Variants in EIF5B observed in about 807,000 individuals in gnomAD.
EIF5B encodes the protein eukaryotic translation initiation factor 5B.
EIF5B carries 47 observed loss-of-function variants against 147.5 expected under a neutral mutation model. The observed-to-expected ratio is 0.32, with a 90% CI of 0.25 to 0.41. The LOEUF is 0.41. EIF5B is among the 10% of genes least tolerant of loss of function. EIF5B has a pLI of 1.00. For synonymous variants in EIF5B, 455 were observed against 456.2 expected (o/e 1.00, Z 0.03); for missense variants, 1,064 against 1,413.2 (o/e 0.75, Z 3.96).
chr2:99,383,924 A>G (rs1284579208), intron 14 of EIF5B, among the ~76,000 whole-genome samples: 1 of 152,202 alleles, frequency 6.6e-6, no homozygotes, highest in African/African-American at 2.4e-5. Context: ...CTCATTGACC[A>G]TTCTGAAAAT....
At chr2:99,383,081 GTT>G (rs577750889) in intron 14 of EIF5B, among the ~76,000 whole-genome samples, 160 bp downstream of exon 14, 1 of 145,980 alleles carries the variant, frequency 6.9e-6, no homozygotes, top group South Asian at 2.1e-4. Context: ...TTTGTGTATA[GTT>G]TTTTTTTTTT....
In EIF5B at chr2:99,361,325, G is replaced by C. The variant is rs1674208268; in HGVS notation, c.424G>C (p.Asp142His). The change falls in exon 4 of 24, where the codon GAT becomes CAT. Residue 142 changes from aspartate (D) to histidine (H), a missense_variant. Asp to His is a moderately conservative substitution (Grantham distance 81). Coordinates refer to ENST00000289371, the MANE Select transcript of EIF5B (RefSeq NM_015904.4). Reference protein sequence around the residue: ...EMYSGSDDDDDFNKLPKKAKG... With the variant: ...EMYSGSDDDDHFNKLPKKAKG... The stretch of plus-strand genomic sequence containing the variant: ...GTACTCTGGGAGTGATGATGATGAT[G>C]ATTTTAACAAACTTCCTAAAAAAGC... 3 of 1,609,642 alleles carry C rather than the reference G, an allele frequency of 1.9e-6. No individual in the cohort carries two copies. Among genetic ancestry groups the C allele is most frequent in the Non-Finnish European group, 2.5e-6 (3 of 1,178,944 alleles).
Position 99,360,255 on chromosome 2 carries a change from C to G in EIF5B, c.55C>G (p.Leu19Val). The G allele has an allele frequency of 2.5e-6, 4 of 1,603,848 alleles. No homozygotes were observed. Among genetic ancestry groups the G allele is most frequent in the Non-Finnish European group, 3.4e-6 (4 of 1,177,166 alleles). Residue 19 changes from leucine to valine, a missense_variant, in exon 2 of 24, where the codon CTT (leucine) becomes GTT (valine). By Grantham distance (32) the Leu-to-Val change is conservative. Coordinates refer to ENST00000289371, the MANE Select transcript of EIF5B (RefSeq NM_015904.4). ...SEDSTKDDID[L>V]DALAAEIEGA... ...TTTAAGCACCAAGGATGACATTGATCTTGATGCCTTGGCTGCAGAAATAGA... is the reference window on the plus strand; with the variant it reads ...TTTAAGCACCAAGGATGACATTGATGTTGATGCCTTGGCTGCAGAAATAGA...
At chr2:99,371,788 T>G in intron 9 of EIF5B, 58 bp downstream of exon 9, 4 of 1,430,392 alleles carry the variant, frequency 2.8e-6, no homozygotes, top group Non-Finnish European at 2.9e-6. Context: ...ATGAATGATA[T>G]ATATTTAAAT....
Position 99,371,653 on chromosome 2 carries a change from CAGAAGA to C in EIF5B, c.1485_1490del (p.Glu495_Glu496del). 2 of 1,608,182 alleles carry C rather than the reference CAGAAGA, an allele frequency of 1.2e-6. No individual in the cohort carries two copies. Among genetic ancestry groups the C allele is most frequent in the Non-Finnish European group, 8.5e-7 (1 of 1,177,898 alleles). Reference sequence around the variant, plus strand: ...TGTCTTAAATGCAAATTTTTACTTACAGAAGAAGAAGAAGATACTGAGGATGCTGGA... The same window carrying C: ...TGTCTTAAATGCAAATTTTTACTTACAGAAGAAGATACTGAGGATGCTGGA... On this transcript the variant is annotated splice_acceptor_variant and coding_sequence_variant, in exon 9 of 24. Coordinates refer to ENST00000289371, the MANE Select transcript of EIF5B (RefSeq NM_015904.4). LOFTEE classifies it high-confidence loss of function.
chr2:99,389,822 G>A lies in EIF5B; in HGVS notation c.2376G>A (p.Lys792=). 1 of 1,612,106 alleles carries A rather than the reference G, an allele frequency of 6.2e-7. No homozygotes were observed. Among genetic ancestry groups the A allele is most frequent in the Non-Finnish European group, 8.5e-7 (1 of 1,179,462 alleles). ...AAGATGAATTTGAGGAGCGAGCAAAGGCTATTATTGTAGAATTTGCACAGC... is the reference window on the plus strand; with the variant it reads ...AAGATGAATTTGAGGAGCGAGCAAAAGCTATTATTGTAGAATTTGCACAGC... ...NTKDEFEERA[K]AIIVEFAQQG... is the part of the protein sequence containing the mutation. Residue 792 remains lysine, a synonymous_variant, in exon 15 of 24, where the codon AAG becomes AAA. Transcript: ENST00000289371.
intron 14 of EIF5B, among the ~76,000 whole-genome samples, chr2:99,388,591 T>A (rs1197179456): frequency 1.3e-5 from 2 of 152,218 alleles, no homozygotes; most frequent in Non-Finnish European, 2.9e-5. Flanking sequence ...GTGGATTTTC[T>A]CCTTCATTCT....
intron 6 of EIF5B, among the ~76,000 whole-genome samples, chr2:99,366,888 A>G (rs557261559): frequency 8.5e-5 from 13 of 152,336 alleles, no homozygotes; most frequent in Middle Eastern, 3.4e-3. Flanking sequence ...AGACAAACAG[A>G]TAAATAGTCT....
intron 12 of EIF5B, among the ~76,000 whole-genome samples, chr2:99,379,929 G>T (rs1256470701): frequency 6.6e-6 from 1 of 152,076 alleles, no homozygotes; most frequent in African/African-American, 2.4e-5. Flanking sequence ...ATATAACCTT[G>T]CAAGCTGCTT....
At chr2:99,341,097 TGTG>T (rs1283333414) in intron 1 of EIF5B, among the ~76,000 whole-genome samples, 6 of 152,208 alleles carry the variant, frequency 3.9e-5, no homozygotes, top group Non-Finnish European at 8.8e-5. Context: ...GAGATTTTGA[TGTG>T]GTGTTTGTTC....
chr2:99,354,966 C>T (rs1674064818), intron 1 of EIF5B, among the ~76,000 whole-genome samples: 2 of 152,046 alleles, frequency 1.3e-5, no homozygotes, highest in Admixed American at 1.3e-4. Context: ...CCACACCCAG[C>T]TACTTTTTGT....
intron 17 of EIF5B, among the ~76,000 whole-genome samples, chr2:99,391,129 A>G (rs1431944213): frequency 6.6e-6 from 1 of 152,224 alleles, no homozygotes; most frequent in East Asian, 1.9e-4. Context: ...TATGTTTTAT[A>G]TATTACATAC....
chr2:99,399,008 G>C (rs1675133529), intron 23 of EIF5B, 99 bp downstream of exon 23: 4 of 1,367,038 alleles, frequency 2.9e-6, no homozygotes, highest in Non-Finnish European at 4.0e-6. Flanking sequence ...TTTGATTGTA[G>C]AATCTGATGG....
chr2:99,369,652 T>C (rs1451733498), intron 8 of EIF5B, among the ~76,000 whole-genome samples, 171 bp downstream of exon 8: 1 of 152,214 alleles, frequency 6.6e-6, no homozygotes, highest in Non-Finnish European at 1.5e-5. Flanking sequence ...ATTTCTACTT[T>C]GAATAAGTAT....
rs1232551113 is a variant in EIF5B at position 99,369,450 on chromosome 2, A to AGTT, written c.1446_1447insGTT (p.Glu482_Lys483insVal). On this transcript the variant is annotated inframe_insertion, in exon 8 of 24. Transcript: ENST00000289371. Reference sequence around the variant, plus strand: ...AAGTTATGGAACAAGGAGTACCAGAAAAGGAAGAGACACCACCTCCTGTTG... The same window carrying AGTT: ...AAGTTATGGAACAAGGAGTACCAGAAGTTAAGGAAGAGACACCACCTCCTGTTG... 3 of 1,610,640 alleles carry AGTT rather than the reference A, an allele frequency of 1.9e-6. No homozygotes were observed. Among genetic ancestry groups the AGTT allele is most frequent in the Non-Finnish European group, 2.5e-6 (3 of 1,177,600 alleles).
At position 99,389,824 on chromosome 2, in the gene EIF5B, C is replaced by T. The variant is rs1399728857; in HGVS notation, c.2378C>T (p.Ala793Val). 1 of 1,611,814 alleles carries T rather than the reference C, an allele frequency of 6.2e-7. No homozygotes were observed. The highest frequency in any genetic ancestry group is 8.5e-7 in the Non-Finnish European group (1 of 1,179,400). ...TKDEFEERAK[A>V]IIVEFAQQGL... ...GATGAATTTGAGGAGCGAGCAAAGG[C>T]TATTATTGTAGAATTTGCACAGCAG... The change falls in exon 15 of 24, where the codon GCT (alanine) becomes GTT (valine). Residue 793 changes from alanine (A) to valine (V), a missense_variant. Around this residue, in one of 4 missense-constraint regions of EIF5B, gnomAD observed 380 missense variants for 715.6 expected, o/e 0.53. Transcript: ENST00000289371.
At chr2:99,388,444 G>C (rs1217123715) in intron 14 of EIF5B, among the ~76,000 whole-genome samples, 1 of 135,976 alleles carries the variant, frequency 7.4e-6, no homozygotes, top group Non-Finnish European at 1.6e-5. Flanking sequence ...TGGTTTTTTT[G>C]TCAATGCCCT....
At chr2:99,365,067 AGT>A (rs1161814465) in intron 6 of EIF5B, among the ~76,000 whole-genome samples, 1 of 152,194 alleles carries the variant, frequency 6.6e-6, no homozygotes, top group Non-Finnish European at 1.5e-5. Flanking sequence ...GATTTAAAAT[AGT>A]GTCTTTGCTC....
At chr2:99,343,584 G>A (rs765992633) in intron 1 of EIF5B, among the ~76,000 whole-genome samples, 2 of 151,886 alleles carry the variant, frequency 1.3e-5, no homozygotes, top group Non-Finnish European at 2.9e-5. Flanking sequence ...TTGGGAGGCC[G>A]AGGTGGGTGG....
Sources: gnomAD v4.1 joint callset for allele counts (sites outside exome capture counted in the v4.1 genomes callset) on GRCh38, gnomAD v4.1.1 for gene constraint, gnomAD v4.1.1 regional missense constraint, MANE v1.5 for transcripts, NCBI Gene and HGNC (gene_info 2026-07-23, HGNC 2026-07-21) for gene names.